NTRK3: variants seen among roughly 807,000 people sequenced by gnomAD.
NTRK3 encodes neurotrophic receptor tyrosine kinase 3.
Under a neutral mutation model 91.7 loss-of-function variants are expected in NTRK3, and 24 were observed. The observed-to-expected ratio is 0.26, with a 90% CI of 0.19 to 0.37. The LOEUF is 0.37. Ranked by LOEUF, NTRK3 falls within the 10% of genes least tolerant of loss-of-function variation. The pLI, the probability that NTRK3 is intolerant of heterozygous loss-of-function variation, is 1.00. For missense variants in NTRK3, 880 were observed against 1,068.9 expected (o/e 0.82, Z 2.46); for synonymous variants, 483 against 404.0 (o/e 1.20, Z -2.34).
chr15:88,098,603 C>T (rs1367985858), intron 13 of NTRK3: 2 of 230,508 alleles, frequency 8.7e-6, no homozygotes, highest in African/African-American at 4.4e-5. Flanking sequence ...AGATAGCGGG[C>T]CAGCTATGGC....
rs1372962784 is a variant in NTRK3, at chr15:88,234,122, C to G, written c.248+21784G>C. Among the ~76,000 whole-genome samples the G allele has an allele frequency of 6.6e-6, 1 of 152,162 alleles. No individual in the cohort carries two copies. Among genetic ancestry groups the G allele is most frequent in the African/African-American group, 2.4e-5 (1 of 41,446 alleles). ...AGTCACCGTCCTGTGCCAGGCCAGC[C>G]TGCCAGGCAGCCTGGACCTTCAGTC... On this transcript the variant is annotated intron_variant, in intron 3 of 18. Transcript: ENST00000394480. The surrounding 1 kb of genome is among the most constrained non-coding windows in gnomAD (Gnocchi z 6.1).
intron 14 of NTRK3, among the ~76,000 whole-genome samples, chr15:88,020,083 C>G (rs1047006609): frequency 1.3e-5 from 2 of 152,190 alleles, no homozygotes; most frequent in African/African-American, 2.4e-5. Flanking sequence ...TCGGAGGGGA[C>G]CGTGCAGGCA....
intron 14 of NTRK3, among the ~76,000 whole-genome samples, chr15:87,981,830 A>C (rs1177515710): frequency 2.6e-5 from 4 of 152,208 alleles, no homozygotes; most frequent in Admixed American, 2.6e-4. Context: ...TTCAAGAGGA[A>C]AGCAATGTGA....
At chr15:87,988,588 G>C (rs2075037302) in intron 14 of NTRK3, among the ~76,000 whole-genome samples, 1 of 152,286 alleles carries the variant, frequency 6.6e-6, no homozygotes, top group East Asian at 1.9e-4. Flanking sequence ...ATAAAAAGCT[G>C]ATTTAAAATA....
intron 13 of NTRK3, among the ~76,000 whole-genome samples, chr15:88,063,791 C>T (rs1004736466): frequency 1.3e-5 from 2 of 152,214 alleles, no homozygotes; most frequent in Admixed American, 1.3e-4. Context: ...CCACTCCCCA[C>T]AACTTCTTTT....
At chr15:88,010,747 C>CA (rs1271986796) in intron 14 of NTRK3, among the ~76,000 whole-genome samples, 2 of 146,092 alleles carry the variant, frequency 1.4e-5, no homozygotes, top group African/African-American at 5.4e-5. Flanking sequence ...TACACACACA[C>CA]CCACACACAC....
At chr15:87,989,002 T>C (rs982467626) in intron 14 of NTRK3, among the ~76,000 whole-genome samples, 1 of 152,072 alleles carries the variant, frequency 6.6e-6, no homozygotes, top group African/African-American at 2.4e-5. Flanking sequence ...ACTGCAACTT[T>C]CACCTCCTGG....
intron 17 of NTRK3, among the ~76,000 whole-genome samples, chr15:87,911,236 G>A (rs79544493): frequency 0.011 from 1,612 of 152,070 alleles, 20 homozygotes; most frequent in African/African-American, 0.03. Context: ...GGGTGAATTT[G>A]GCTTAATATT....
intron 14 of NTRK3, among the ~76,000 whole-genome samples, chr15:87,998,122 G>C (rs1341951354): frequency 6.6e-6 from 1 of 152,158 alleles, no homozygotes; most frequent in Non-Finnish European, 1.5e-5. Context: ...TCTCCTCACT[G>C]GATGTGAATA....
intron 6 of NTRK3, among the ~76,000 whole-genome samples, chr15:88,140,207 C>A: frequency 6.6e-6 from 1 of 152,092 alleles, no homozygotes; most frequent in Non-Finnish European, 1.5e-5. Flanking sequence ...AGAAATCCAA[C>A]AATAGTGTAT....
At chr15:88,147,100 T>C (rs547801656) in intron 6 of NTRK3, among the ~76,000 whole-genome samples, 1 of 152,288 alleles carries the variant, frequency 6.6e-6, no homozygotes, top group African/African-American at 2.4e-5. Context: ...TAAGTCATAA[T>C]AAAAGAAGAG....
At chr15:88,098,127 T>C (rs2049809172) in intron 13 of NTRK3, among the ~76,000 whole-genome samples, 1 of 152,204 alleles carries the variant, frequency 6.6e-6, no homozygotes, top group Non-Finnish European at 1.5e-5. Context: ...ACTGAAAGGA[T>C]AAGGCCAATA....
At chr15:88,036,303 A>G (rs2079065041) in intron 13 of NTRK3, among the ~76,000 whole-genome samples, 1 of 152,156 alleles carries the variant, frequency 6.6e-6, no homozygotes, top group South Asian at 2.1e-4. Context: ...ACATTTATAA[A>G]GGAACAGCAA....
chr15:88,212,045 C>T (rs2049292804), intron 3 of NTRK3, among the ~76,000 whole-genome samples: 1 of 152,094 alleles, frequency 6.6e-6, no homozygotes, highest in South Asian at 2.1e-4. Flanking sequence ...GTGAAGAATC[C>T]AAAGAAATAA....
At chr15:87,888,371 A>G (rs1482707066) in intron 17 of NTRK3, among the ~76,000 whole-genome samples, 1 of 152,154 alleles carries the variant, frequency 6.6e-6, no homozygotes, top group Non-Finnish European at 1.5e-5. Flanking sequence ...GTTCTGAATG[A>G]TTCCAGATTT....
exon 19 of NTRK3, chr15:87,865,878 C>CA (rs1349356639): frequency 8.8e-6 from 2 of 228,062 alleles, no homozygotes; most frequent in South Asian, 1.8e-4. Context: ...ATACTCAAAG[C>CA]AAAAAATGCT....
At chr15:87,916,293 T>C in intron 17 of NTRK3, 1 of 405,558 alleles carries the variant, frequency 2.5e-6, no homozygotes, top group Non-Finnish European at 4.4e-6. Flanking sequence ...ATGTTATATA[T>C]TCAGTTTGTC....
At chr15:88,017,399 G>A (rs942361915) in intron 14 of NTRK3, among the ~76,000 whole-genome samples, 3 of 152,244 alleles carry the variant, frequency 2.0e-5, no homozygotes, top group Non-Finnish European at 2.9e-5. Context: ...AAGCATCCAT[G>A]AAGGCTTCCC....
chr15:88,021,906 G>A (rs533038302), intron 14 of NTRK3, among the ~76,000 whole-genome samples: 36 of 152,090 alleles, frequency 2.4e-4, no homozygotes, highest in Non-Finnish European at 4.3e-4. Context: ...ATCAACTACC[G>A]AGATTCCTGC....
Sources: allele counts gnomAD v4.1 joint callset (sites outside exome capture counted in the v4.1 genomes callset), GRCh38; gene constraint gnomAD v4.1.1; non-coding constraint Gnocchi (gnomAD v3.1); transcripts MANE v1.5; gene names NCBI Gene and HGNC (gene_info 2026-07-23, HGNC 2026-07-21).